The following ABCA4 variants were observed in gnomAD, a reference collection of about 807,000 sequenced individuals.
ABCA4 encodes the protein retinal-specific phospholipid-transporting ATPase ABCA4.
ABCA4 carries 196 observed loss-of-function variants against 263.7 expected under a neutral mutation model. The ratio of observed to expected loss-of-function variants is 0.74; its 90% CI spans 0.66 to 0.84. The LOEUF is 0.84. Among genes scored for constraint, ABCA4 ranks in the 40% least tolerant of loss-of-function variants. The probability of loss-of-function intolerance (pLI) is 0.00; values close to 1 mark genes in which losing one functional copy is unlikely to be tolerated. For missense variants in ABCA4, 2,792 were observed against 2,855.1 expected (o/e 0.98, Z 0.50); for synonymous variants, 1,133 against 1,094.2 (o/e 1.04, Z -0.70).
chr1:94,120,912 C>T, intron 1 of ABCA4, 68 bp downstream of exon 1: 2 of 1,203,226 alleles, frequency 1.7e-6, no homozygotes, highest in Non-Finnish European at 2.4e-6. Flanking sequence ...CCCACCACCC[C>T]ACCCCACACT....
chr1:94,043,006 G>A, intron 21 of ABCA4, 108 bp from the exon 22 acceptor site: 2 of 1,484,844 alleles, frequency 1.3e-6, no homozygotes, highest in Non-Finnish European at 1.9e-6. Flanking sequence ...CAGTGGTTTG[G>A]TGCTGCCTCT....
chr1:94,000,454 G>T (rs1659141319), intron 47 of ABCA4, among the ~76,000 whole-genome samples: 1 of 152,110 alleles, frequency 6.6e-6, no homozygotes, highest in Non-Finnish European at 1.5e-5. Flanking sequence ...AAGTCAGTTG[G>T]TCTCCTAACC....
chr1:94,057,672 T>C (rs1355310539), intron 14 of ABCA4, among the ~76,000 whole-genome samples: 1 of 152,236 alleles, frequency 6.6e-6, no homozygotes, highest in African/African-American at 2.4e-5. Flanking sequence ...CTGCTGGCAG[T>C]ACTCAGTAAC....
At chr1:94,087,105 A>T (rs1661852478) in intron 6 of ABCA4, among the ~76,000 whole-genome samples, 1 of 152,192 alleles carries the variant, frequency 6.6e-6, no homozygotes, top group South Asian at 2.1e-4. Flanking sequence ...AATCCCAGTC[A>T]TGACCTAATT....
chr1:94,006,835 C>T (rs965511298), intron 43 of ABCA4, among the ~76,000 whole-genome samples: 1 of 152,222 alleles, frequency 6.6e-6, no homozygotes, highest in Non-Finnish European at 1.5e-5. Context: ...CACCTAACTC[C>T]ACTTATAAAC....
intron 42 of ABCA4, 72 bp from the exon 43 acceptor site, chr1:94,007,812 T>A (rs1659433803): frequency 7.2e-7 from 1 of 1,387,872 alleles, no homozygotes; most frequent in Non-Finnish European, 1.0e-6. Context: ...CCAGGGTAAG[T>A]GTGTGTGTGA....
In ABCA4 at chr1:94,005,564, A is replaced by G. The variant is rs1659356037; in HGVS notation, c.6024T>C (p.Ser2008=). ...VAGKSILTNI[S]EVHQNMGYCP... is the part of the protein sequence containing the mutation. ...AGTAGCCCATATTTTGATGGACTTC[A>G]GAAATATTGGTTAAAATACTGCAAG... The change falls in exon 44 of 50, where the codon TCT becomes TCC. Residue 2008 remains serine (S), a synonymous_variant. Coordinates refer to ENST00000370225, the MANE Select transcript of ABCA4 (RefSeq NM_000350.3). The G allele has an allele frequency of 1.9e-6, 3 of 1,614,088 alleles. No homozygotes were observed. Among genetic ancestry groups the G allele is most frequent in the South Asian group, 1.1e-5 (1 of 91,072 alleles).
chr1:94,043,451 C>G lies in ABCA4; in HGVS notation c.3075G>C (p.Leu1025=). 1.2e-6 allele frequency: 2 copies of G among 1,614,166 alleles called. No homozygotes were observed. The highest frequency in any genetic ancestry group is 1.7e-6 in the Non-Finnish European group (2 of 1,180,034). The part of the protein sequence containing the change: ...FHHLTVAEHM[L]FYAQLKGKSQ... ...ACTTTCCTTTCAGCTGGGCATAGAA[C>G]AGCATGTGCTCAGCCACCGTGAGGC... The change falls in exon 21 of 50, where the codon CTG becomes CTC. Residue 1025 remains leucine (L), a synonymous_variant. Coordinates refer to ENST00000370225, the MANE Select transcript of ABCA4 (RefSeq NM_000350.3).
chr1:94,046,847 G>A (rs1181753194), intron 19 of ABCA4, 72 bp downstream of exon 19: 31 of 1,567,146 alleles, frequency 2.0e-5, no homozygotes, highest in Admixed American at 1.7e-4. Context: ...GTAGACAGCC[G>A]CTGATAGGGA....
In ABCA4 at chr1:94,030,898, G is replaced by C. The variant is rs1571264433; in HGVS notation, c.4253+98C>G. On this transcript the variant is annotated intron_variant, in intron 28 of 49. Transcript: ENST00000370225. ...ACCCCTCCCCTCTCTCATTGGTGAA[G>C]GTCCCAGTGAAGTGGGAAGGTCAGG... 2.0e-6 allele frequency: 3 copies of C among 1,530,414 alleles called. No individual in the cohort carries two copies. The East Asian group carries it at 6.9e-5, about 35-fold the overall frequency. The allele number at this position is 1,530,414 out of a possible 1,614,324, so 94.8% of individuals were successfully genotyped here. A position where few individuals can be genotyped will look rare whatever the true frequency, so the allele number is the denominator to read the frequency against.
intron 19 of ABCA4, chr1:94,045,804 C>T (rs1365244303): frequency 8.8e-6 from 4 of 456,268 alleles, no homozygotes; most frequent in East Asian, 6.9e-5. Flanking sequence ...CGCTGTTGTT[C>T]CTTCCTGGGG....
At chr1:94,078,017 G>A in intron 10 of ABCA4, 130 bp from the exon 11 acceptor site, 1 of 859,914 alleles carries the variant, frequency 1.2e-6, no homozygotes, top group Non-Finnish European at 1.8e-6. Flanking sequence ...GAGCTGGTGA[G>A]CTTGTTCCAC....
In ABCA4 at chr1:94,029,426, T is replaced by C. The variant is rs1191046156; in HGVS notation, c.4539+19A>G. 1.9e-6 allele frequency: 3 copies of C among 1,539,566 alleles called. No individual in the cohort carries two copies. Among genetic ancestry groups the C allele is most frequent in the Non-Finnish European group, 2.6e-6 (3 of 1,142,092 alleles). On this transcript the variant is annotated intron_variant, in intron 30 of 49. Coordinates refer to ENST00000370225, the MANE Select transcript of ABCA4 (RefSeq NM_000350.3). Reference sequence around the variant, plus strand: ...TGTGGCAGGCAGACCTGGGGCCCCGTTGTTTGGAGGTCAGGTACCTGGGGG... The same window carrying C: ...TGTGGCAGGCAGACCTGGGGCCCCGCTGTTTGGAGGTCAGGTACCTGGGGG...
intron 44 of ABCA4, among the ~76,000 whole-genome samples, chr1:94,005,129 T>C (rs1034918261): frequency 2.6e-5 from 4 of 152,236 alleles, no homozygotes; most frequent in South Asian, 2.1e-4. Flanking sequence ...ACCTTATACA[T>C]ATTCATTTTG....
Position 94,029,529 on chromosome 1 carries a change from T to A in ABCA4, c.4455A>T (p.Ser1485=). The A allele has an allele frequency of 3.7e-6, 6 of 1,610,914 alleles. No homozygotes were observed. The highest frequency in any genetic ancestry group is 4.2e-6 in the Non-Finnish European group (5 of 1,178,480). The change falls in exon 30 of 50, where the codon TCA becomes TCT. Residue 1485 remains serine, a synonymous_variant. Transcript: ENST00000370225. The stretch of plus-strand genomic sequence containing the variant: ...CCCTGGTGCTGCACCTGCAGGATGG[T>A]GAAGGGTTGACCTGTGTCCATTTCT... The part of the protein sequence containing the change: ...QKQKWTQVNP[S]PSCRCSTREK...
Position 94,051,632 on chromosome 1 carries a change from C to T in ABCA4, c.2653+1G>A. The T allele has an allele frequency of 6.2e-7, 1 of 1,613,158 alleles. No homozygotes were observed. The highest frequency in any genetic ancestry group is 1.7e-5 in the Admixed American group (1 of 60,030). ...TAAGATTTGTGTTTTAAAGGACTCA[C>T]CTTCACCGCCAAGCCAATACGACTC... is the stretch of plus-strand genomic sequence containing the variant. On this transcript the variant is annotated splice_donor_variant, in intron 17 of 49. Coordinates refer to ENST00000370225, the MANE Select transcript of ABCA4 (RefSeq NM_000350.3). LOFTEE classifies it high-confidence loss of function.
intron 43 of ABCA4, 112 bp downstream of exon 43, chr1:94,007,522 G>A: frequency 1.0e-6 from 1 of 974,760 alleles, no homozygotes. Flanking sequence ...TCTCTGTACA[G>A]ATCTTTCAGG....
chr1:94,029,522 A>G lies in ABCA4; in HGVS notation c.4462T>C (p.Cys1488Arg), dbSNP rs61750146. 15 of 1,609,386 alleles carry G rather than the reference A, an allele frequency of 9.3e-6. No individual in the cohort carries two copies. The highest frequency in any genetic ancestry group is 5.6e-5 in the South Asian group (5 of 89,914). ...AGCTTCTCCCTGGTGCTGCACCTGC[A>G]GGATGGTGAAGGGTTGACCTGTGTC... ...KWTQVNPSPSCRCSTREKLTM... is the reference protein window; with the variant it reads ...KWTQVNPSPSRRCSTREKLTM... The change falls in exon 30 of 50, where the codon TGC (cysteine) becomes CGC (arginine). Residue 1488 changes from cysteine to arginine, a missense_variant. Physicochemically the swap from Cys to Arg is radical, Grantham distance 180. Coordinates refer to ENST00000370225, the MANE Select transcript of ABCA4 (RefSeq NM_000350.3).
At chr1:94,040,559 C>A (rs2101047640) in intron 23 of ABCA4, among the ~76,000 whole-genome samples, 1 of 152,278 alleles carries the variant, frequency 6.6e-6, no homozygotes, top group African/African-American at 2.4e-5. Flanking sequence ...TTAAGAAGCC[C>A]AGAGCACATT....
Sources: gnomAD v4.1 joint callset for allele counts (sites outside exome capture counted in the v4.1 genomes callset) on GRCh38, gnomAD v4.1.1 for gene constraint, MANE v1.5 for transcripts, NCBI Gene and HGNC (gene_info 2026-07-23, HGNC 2026-07-21) for gene names.